FRAS1: variants seen among roughly 807,000 people sequenced by gnomAD.
FRAS1 encodes extracellular matrix organizing protein FRAS1.
In FRAS1, 290 loss-of-function variants were observed where a neutral mutation model predicts 435.2. The ratio of observed to expected loss-of-function variants is 0.67; its 90% CI spans 0.61 to 0.73. The LOEUF is 0.73. FRAS1 is among the 30% of genes least tolerant of loss of function. The probability of loss-of-function intolerance (pLI) is 0.00; values close to 1 mark genes in which losing one functional copy is unlikely to be tolerated. For synonymous variants in FRAS1, 1,800 were observed against 1,851.0 expected (o/e 0.97, Z 0.71); for missense variants, 4,860 against 5,001.5 (o/e 0.97, Z 0.85).
chr4:78,451,641 AAGC>A (rs1234052815), intron 45 of FRAS1, 128 bp from the exon 46 acceptor site: 8 of 611,742 alleles, frequency 1.3e-5, no homozygotes, highest in African/African-American at 1.9e-5. Flanking sequence ...AAAATGTCAA[AAGC>A]AGTGTCAAAG....
intron 2 of FRAS1, among the ~76,000 whole-genome samples, chr4:78,236,324 G>GT (rs1222624727): frequency 1.3e-5 from 2 of 150,890 alleles, no homozygotes; most frequent in African/African-American, 4.9e-5. Context: ...TGGCTTTGAG[G>GT]TTTTTTTAAA....
At chr4:78,162,637 C>T (rs1321161598) in intron 2 of FRAS1, among the ~76,000 whole-genome samples, 1 of 152,170 alleles carries the variant, frequency 6.6e-6, no homozygotes, top group Non-Finnish European at 1.5e-5. Flanking sequence ...TGTCTGGCTG[C>T]CATTGTCATT....
At chr4:78,193,777 G>A (rs1208016248) in intron 2 of FRAS1, among the ~76,000 whole-genome samples, 1 of 151,678 alleles carries the variant, frequency 6.6e-6, no homozygotes, top group East Asian at 1.9e-4. Flanking sequence ...TTACATTTAA[G>A]GTTAATATTG....
intron 2 of FRAS1, among the ~76,000 whole-genome samples, chr4:78,223,612 TC>T (rs1487342152): frequency 6.6e-6 from 1 of 152,098 alleles, no homozygotes; most frequent in African/African-American, 2.4e-5. Context: ...TATAGGTACT[TC>T]CATTCCTCTT....
At chr4:78,271,021 G>A (rs1726649077) in intron 9 of FRAS1, among the ~76,000 whole-genome samples, 1 of 152,038 alleles carries the variant, frequency 6.6e-6, no homozygotes, top group African/African-American at 2.4e-5. Context: ...AGAAAATTTT[G>A]AAGGCTCAAG....
chr4:78,441,961 T>A (rs1734675811), intron 41 of FRAS1, among the ~76,000 whole-genome samples: 1 of 152,230 alleles, frequency 6.6e-6, no homozygotes. Context: ...CTTCTGTGAC[T>A]GGCAATTGAG....
chr4:78,434,361 T>C (rs1032955000), intron 38 of FRAS1, among the ~76,000 whole-genome samples: 1 of 152,172 alleles, frequency 6.6e-6, no homozygotes, highest in African/African-American at 2.4e-5. Context: ...GTTCTGGAGT[T>C]AAAATGGATG....
At chr4:78,317,644 T>A in intron 17 of FRAS1, 136 bp downstream of exon 17, 2 of 801,278 alleles carry the variant, frequency 2.5e-6, no homozygotes, top group Non-Finnish European at 3.7e-6. Context: ...TTATATGCAT[T>A]TTTCATTACA....
At chr4:78,140,323 T>G (rs1469757243) in intron 2 of FRAS1, among the ~76,000 whole-genome samples, 1 of 152,162 alleles carries the variant, frequency 6.6e-6, no homozygotes, top group Non-Finnish European at 1.5e-5. Flanking sequence ...TTAGTTTGTT[T>G]GTAAGGATTG....
At chr4:78,371,070 G>T (rs1731482476) in intron 23 of FRAS1, among the ~76,000 whole-genome samples, 2 of 137,138 alleles carry the variant, frequency 1.5e-5, no homozygotes, top group South Asian at 2.3e-4. Flanking sequence ...CGAGACCACA[G>T]AATTTTTTTT....
intron 63 of FRAS1, among the ~76,000 whole-genome samples, chr4:78,510,373 G>A (rs28488385): frequency 0.33 from 49,416 of 151,808 alleles, 8,690 homozygotes; most frequent in South Asian, 0.52. Context: ...ATTCTTGTAG[G>A]ATGCCTCAAA....
At position 78,479,562 on chromosome 4, in the gene FRAS1, T is replaced by C; in HGVS notation, c.8287T>C (p.Tyr2763His). ...TGTCATGCTTATTGATGACAGCGAG[T>C]ATGAAGAGGAAGAAGAGTTTGAGAT... ...CDVMLIDDSEYEEEEEFEIAL... is the reference protein window; with the variant it reads ...CDVMLIDDSEHEEEEEFEIAL... Residue 2763 changes from tyrosine to histidine, a missense_variant, in exon 56 of 74, where the codon TAT (tyrosine) becomes CAT (histidine). Physicochemically the swap from Tyr to His is moderately conservative, Grantham distance 83. Coordinates refer to ENST00000512123, the MANE Select transcript of FRAS1 (RefSeq NM_025074.7). The C allele has an allele frequency of 6.2e-7, 1 of 1,613,818 alleles. No homozygotes were observed. Among genetic ancestry groups the C allele is most frequent in the Non-Finnish European group, 8.5e-7 (1 of 1,179,818 alleles).
At chr4:78,184,766 C>T (rs1044231016) in intron 2 of FRAS1, among the ~76,000 whole-genome samples, 13 of 152,280 alleles carry the variant, frequency 8.5e-5, no homozygotes, top group African/African-American at 3.1e-4. Context: ...TATAAAGGCC[C>T]ACCTGATTAG....
intron 47 of FRAS1, among the ~76,000 whole-genome samples, chr4:78,453,328 C>T (rs1332925179): frequency 1.3e-5 from 2 of 152,076 alleles, no homozygotes; most frequent in East Asian, 3.9e-4. Flanking sequence ...TCACCTAGAG[C>T]AGCAGCCATG....
chr4:78,206,646 A>C (rs973023282), intron 2 of FRAS1, among the ~76,000 whole-genome samples: 1 of 152,140 alleles, frequency 6.6e-6, no homozygotes, highest in South Asian at 2.1e-4. Context: ...CTCACATTTC[A>C]TCTTTTCTTT....
chr4:78,202,918 A>G (rs1723101993), intron 2 of FRAS1, among the ~76,000 whole-genome samples: 1 of 152,170 alleles, frequency 6.6e-6, no homozygotes, highest in Non-Finnish European at 1.5e-5. Context: ...CCTCTTGATC[A>G]TCACATCTCC....
intron 29 of FRAS1, among the ~76,000 whole-genome samples, chr4:78,391,985 C>G (rs1270459594): frequency 4.1e-5 from 6 of 147,726 alleles, no homozygotes; most frequent in Admixed American, 4.0e-4. Context: ...AGGGTTTCAC[C>G]TTTTGGGGGG....
intron 28 of FRAS1, 71 bp downstream of exon 28, chr4:78,384,214 C>T: frequency 9.2e-7 from 1 of 1,083,034 alleles, no homozygotes; most frequent in Non-Finnish European, 1.4e-6. Context: ...TCTAGGTTTC[C>T]TGTGGATTTA....
At chr4:78,532,862 C>T (rs971035137) in intron 70 of FRAS1, among the ~76,000 whole-genome samples, 1 of 151,944 alleles carries the variant, frequency 6.6e-6, no homozygotes, top group Admixed American at 6.6e-5. Context: ...ATATACACCA[C>T]ATTTTCTTTA....
Sources: gnomAD v4.1 joint callset for allele counts (sites outside exome capture counted in the v4.1 genomes callset) on GRCh38, gnomAD v4.1.1 for gene constraint, MANE v1.5 for transcripts, NCBI Gene and HGNC (gene_info 2026-07-23, HGNC 2026-07-21) for gene names.